The following TNS3 variants were observed in gnomAD, a reference collection of about 807,000 sequenced individuals.
The protein encoded by TNS3 is tensin 3.
A neutral mutation model predicts 140.9 loss-of-function variants in TNS3; 45 were observed. That is an observed-to-expected ratio of 0.32 (90% CI 0.25 to 0.41). The LOEUF (loss-of-function observed/expected upper bound fraction) is 0.41. Ranked by LOEUF, TNS3 falls within the 10% of genes least tolerant of loss-of-function variation. The pLI is 1.00. For synonymous variants in TNS3, 815 were observed against 788.4 expected, an observed-to-expected ratio of 1.03 and a Z score of -0.56; for missense variants, 1,716 against 1,906.7, an observed-to-expected ratio of 0.90 and a Z score of 1.86.
chr7:47,481,156 A>C lies in TNS3; in HGVS notation c.-114-15T>G, dbSNP rs113191122. 1 of 1,289,732 alleles carries C rather than the reference A, an allele frequency of 7.8e-7. No individual in the cohort carries two copies. The highest frequency in any genetic ancestry group is 1.2e-5 in the South Asian group (1 of 81,032). 79.9% of individuals were successfully genotyped at this position (1,289,732 alleles called of 1,614,324 possible). A position where few individuals can be genotyped will look rare whatever the true frequency, so the allele number is the denominator to read the frequency against. ...GGAATCACCACCTTTCAAAGAGAGA[A>C]GAAACAGATAAGCAAATGGATTCTC... On this transcript the variant is annotated splice_polypyrimidine_tract_variant and intron_variant, in intron 3 of 30. Transcript: ENST00000311160.
chr7:47,363,529 T>C (rs1337886304), intron 17 of TNS3, among the ~76,000 whole-genome samples: 1 of 152,240 alleles, frequency 6.6e-6, no homozygotes, highest in Non-Finnish European at 1.5e-5. Context: ...AATGAGGACA[T>C]AATCTGCAAA....
At chr7:47,525,464 C>T (rs528743124) in intron 2 of TNS3, among the ~76,000 whole-genome samples, 2 of 152,358 alleles carry the variant, frequency 1.3e-5, no homozygotes, top group South Asian at 2.1e-4. Context: ...TGTTGAACAT[C>T]TTGTCCAGAT....
chr7:47,420,984 CA>C (rs1454084423), intron 10 of TNS3, among the ~76,000 whole-genome samples: 2 of 152,090 alleles, frequency 1.3e-5, no homozygotes, highest in Non-Finnish European at 2.9e-5. Flanking sequence ...AAGGGACACC[CA>C]AATGTGCATA....
At chr7:47,323,345 T>C (rs1224806117) in intron 20 of TNS3, among the ~76,000 whole-genome samples, 1 of 152,082 alleles carries the variant, frequency 6.6e-6, no homozygotes, top group Non-Finnish European at 1.5e-5. Flanking sequence ...AAAAGAACTG[T>C]CAACTGTGAA....
At chr7:47,507,156 G>A (rs2151882674) in intron 2 of TNS3, among the ~76,000 whole-genome samples, 1 of 152,316 alleles carries the variant, frequency 6.6e-6, no homozygotes, top group African/African-American at 2.4e-5. Flanking sequence ...AGTTACAACT[G>A]TTGTCTGTTA....
intron 3 of TNS3, among the ~76,000 whole-genome samples, chr7:47,489,970 C>T (rs978201470): frequency 4.6e-5 from 7 of 152,146 alleles, no homozygotes; most frequent in African/African-American, 7.2e-5. Context: ...CACAGTCCTA[C>T]GCCTTATCTT....
At chr7:47,506,002 G>T (rs1798403842) in intron 3 of TNS3, among the ~76,000 whole-genome samples, 1 of 152,180 alleles carries the variant, frequency 6.6e-6, no homozygotes, top group African/African-American at 2.4e-5. Context: ...CGAAGGCAGG[G>T]CTGGAAATGA....
intron 27 of TNS3, among the ~76,000 whole-genome samples, chr7:47,290,891 G>A (rs1392470730): frequency 6.6e-6 from 1 of 152,194 alleles, no homozygotes; most frequent in Non-Finnish European, 1.5e-5. Context: ...TGGGTGTTTA[G>A]AGCAGCATTA....
chr7:47,402,816 C>T (rs1157706452), intron 13 of TNS3, among the ~76,000 whole-genome samples: 1 of 152,140 alleles, frequency 6.6e-6, no homozygotes, highest in Non-Finnish European at 1.5e-5. Context: ...AGAGATGCCC[C>T]AATTCAAGCC....
chr7:47,352,645 C>T (rs1450928095), intron 17 of TNS3, among the ~76,000 whole-genome samples: 2 of 152,194 alleles, frequency 1.3e-5, no homozygotes, highest in South Asian at 2.1e-4. Context: ...TTCTCCAGGA[C>T]GAGGCCACCC....
At chr7:47,524,598 C>T (rs991697231) in intron 2 of TNS3, among the ~76,000 whole-genome samples, 7 of 150,188 alleles carry the variant, frequency 4.7e-5, no homozygotes, top group African/African-American at 1.5e-4. Flanking sequence ...GTCAGGAGAT[C>T]GAGACCATCC....
At chr7:47,362,701 C>T (rs1409411152) in intron 17 of TNS3, among the ~76,000 whole-genome samples, 1 of 152,024 alleles carries the variant, frequency 6.6e-6, no homozygotes, top group Non-Finnish European at 1.5e-5. Flanking sequence ...TTACCAACAT[C>T]ATCAACATCA....
At position 47,275,805 on chromosome 7, in the gene TNS3, C is replaced by G; in HGVS notation, c.*2271G>C. The G allele has an allele frequency of 2.2e-6, 1 of 455,908 alleles. No individual in the cohort carries two copies. Among genetic ancestry groups the G allele is most frequent in the Non-Finnish European group, 4.4e-6 (1 of 226,790 alleles). 28.2% of individuals were successfully genotyped at this position (455,908 alleles called of 1,614,324 possible). ...AAAAATCACACCTGGCCAATGAGTT[C>G]AAAAAGCACGTTTGCAGGGCTTCCT... On this transcript the variant is annotated 3_prime_UTR_variant, in exon 31 of 31. Transcript: ENST00000311160.
chr7:47,349,251 A>G (rs1313557778), intron 17 of TNS3, among the ~76,000 whole-genome samples: 4 of 152,268 alleles, frequency 2.6e-5, no homozygotes, highest in Non-Finnish European at 5.9e-5. Context: ...CTCAAAAAAA[A>G]TCAATCTTCA....
At chr7:47,582,296 C>T, upstream of TNS3, 1 of 381,874 alleles carries the variant, frequency 2.6e-6, no homozygotes. Flanking sequence ...GTCCCCCGCC[C>T]TGCCGAGGTG....
chr7:47,424,369 T>C (rs1279995235), intron 9 of TNS3, among the ~76,000 whole-genome samples, 185 bp from the exon 10 acceptor site: 2 of 152,214 alleles, frequency 1.3e-5, no homozygotes, highest in Non-Finnish European at 2.9e-5. Context: ...CCCGCAGGAA[T>C]ATGCTGTGCT....
chr7:47,545,243 G>A lies in TNS3; in HGVS notation c.-264-16096C>T, dbSNP rs150568972. Among the ~76,000 whole-genome samples, 782 of 150,550 alleles carry A rather than the reference G, an allele frequency of 5.2e-3. 6 individuals are homozygous for A. Among genetic ancestry groups the A allele is most frequent in the African/African-American group, 0.018 (741 of 40,868 alleles). ...CAACGTCCACCTCCCAGGTTCAAGC[G>A]ATTCTCCTGCCTCAGCCTCCCAAGT... is the stretch of plus-strand genomic sequence containing the variant. On this transcript the variant is annotated intron_variant, in intron 1 of 30. Transcript: ENST00000311160.
chr7:47,488,343 C>T (rs562629975), intron 3 of TNS3, among the ~76,000 whole-genome samples: 2 of 152,282 alleles, frequency 1.3e-5, no homozygotes, highest in Non-Finnish European at 2.9e-5. Flanking sequence ...GGGTAAGGGG[C>T]GGCTGTTGTA....
intron 8 of TNS3, among the ~76,000 whole-genome samples, chr7:47,430,131 C>CTTTTTT (rs34003202): frequency 7.1e-6 from 1 of 141,764 alleles, no homozygotes. Context: ...CTTTTCTTTT[C>CTTTTTT]TTTTTTTTTT....
Sources: allele counts gnomAD v4.1 joint callset (sites outside exome capture counted in the v4.1 genomes callset), GRCh38; gene constraint gnomAD v4.1.1; transcripts MANE v1.5; gene names NCBI Gene and HGNC (gene_info 2026-07-23, HGNC 2026-07-21).